Variants in SLC35E4 observed in about 807,000 individuals in gnomAD.
SLC35E4 encodes the protein solute carrier family 35, member E4.
SLC35E4 carries 15 observed loss-of-function variants against 19.3 expected under a neutral mutation model. That is an observed-to-expected ratio of 0.78 (90% confidence interval 0.52 to 1.20). SLC35E4 has a LOEUF of 1.20. SLC35E4 is among the 50% of genes most tolerant of loss of function. The pLI, the probability that SLC35E4 is intolerant of heterozygous loss-of-function variation, is 0.00. For missense variants in SLC35E4, 406 were observed against 472.3 expected (o/e 0.86, Z 1.30); for synonymous variants, 219 against 219.9 (o/e 1.00, Z 0.04).
At position 30,636,926 on chromosome 22, in the gene SLC35E4, A is replaced by C; in HGVS notation, c.476A>C (p.His159Pro). ...ALSALLLGRR[H>P]HPLQLAAMGP... ...TCGGCGCTGCTGCTGGGCCGCCGCCACCACCCACTTCAGTTGGCCGCCATG... is the reference window on the plus strand; with the variant it reads ...TCGGCGCTGCTGCTGGGCCGCCGCCCCCACCCACTTCAGTTGGCCGCCATG... The change falls in exon 1 of 2, where the codon CAC (histidine) becomes CCC (proline). Residue 159 changes from histidine to proline, a missense_variant. Coordinates refer to ENST00000343605, the MANE Select transcript of SLC35E4 (RefSeq NM_001001479.4). 6.2e-7 allele frequency: 1 copy of C among 1,611,764 alleles called. No homozygotes were observed. Among genetic ancestry groups the C allele is most frequent in the South Asian group, 1.1e-5 (1 of 90,988 alleles).
intron 2 of SLC35E4, among the ~76,000 whole-genome samples, chr22:30,655,834 G>A (rs2088328964): frequency 6.6e-6 from 1 of 152,176 alleles, no homozygotes. Flanking sequence ...AGAGGTGGAA[G>A]AGTCAGGATG....
At chr22:30,637,117 C>A in intron 1 of SLC35E4, 48 bp downstream of exon 1, 1 of 1,526,752 alleles carries the variant, frequency 6.5e-7, no homozygotes, top group Non-Finnish European at 8.8e-7. Context: ...CGGGTGGGTG[C>A]ATGGCCTGGA....
chr22:30,643,595 C>A (rs568891812), intron 1 of SLC35E4, among the ~76,000 whole-genome samples: 5 of 152,064 alleles, frequency 3.3e-5, no homozygotes, highest in Non-Finnish European at 7.4e-5. Flanking sequence ...GGGGATCATG[C>A]CAGCTGCCGG....
intron 1 of SLC35E4, among the ~76,000 whole-genome samples, chr22:30,642,595 G>A (rs1410655628): frequency 6.6e-6 from 1 of 151,758 alleles, no homozygotes; most frequent in Admixed American, 6.6e-5. Context: ...AAAAAAATTA[G>A]CTGGGCATGC....
chr22:30,657,894 A>G (rs950709807), intron 2 of SLC35E4, among the ~76,000 whole-genome samples: 3 of 144,140 alleles, frequency 2.1e-5, no homozygotes, highest in African/African-American at 7.7e-5. Flanking sequence ...ACAGTGCAAG[A>G]CTCTGTCTCA....
In SLC35E4 at chr22:30,641,379, G is replaced by A. The variant is rs2088033485; in HGVS notation, c.619+4310G>A. ...TTGAGTCCTTGCTCTGGGCTCCTGC[G>A]GTATCCTCTGCTCCCCCTATCATGG... On this transcript the variant is annotated intron_variant, in intron 1 of 1. Transcript: ENST00000343605. Among the ~76,000 whole-genome samples the A allele has an allele frequency of 2.0e-5, 3 of 152,142 alleles. No homozygotes were observed. The South Asian group carries it at 6.2e-4, about 32-fold the overall frequency.
chr22:30,657,949 AATAATG>A (rs991096260), intron 2 of SLC35E4, among the ~76,000 whole-genome samples: 3 of 136,210 alleles, frequency 2.2e-5, no homozygotes, highest in Non-Finnish European at 4.6e-5. Context: ...TAATAATAAT[AATAATG>A]ATTAGCTGGA....
chr22:30,636,870 T>C lies in SLC35E4; in HGVS notation c.420T>C (p.Thr140=). 6.2e-7 allele frequency: 1 copy of C among 1,613,012 alleles called. No individual in the cohort carries two copies. Among genetic ancestry groups the C allele is most frequent in the Non-Finnish European group, 8.5e-7 (1 of 1,179,626 alleles). Residue 140 remains threonine (T), a synonymous_variant, in exon 1 of 2, where the codon ACT becomes ACC. Coordinates refer to ENST00000343605, the MANE Select transcript of SLC35E4 (RefSeq NM_001001479.4). ...AVPLDLAQLV[T]TTTPLFTLAL... is the part of the protein sequence containing the mutation. ...CCCTGGACCTGGCACAACTGGTTACTACCACCACACCTCTGTTCACCCTGG... is the reference window on the plus strand; with the variant it reads ...CCCTGGACCTGGCACAACTGGTTACCACCACCACACCTCTGTTCACCCTGG...
At chr22:30,650,524 G>A (rs532151981), downstream of SLC35E4, among the ~76,000 whole-genome samples, 2 of 152,186 alleles carry the variant, frequency 1.3e-5, no homozygotes, top group East Asian at 3.9e-4. Flanking sequence ...AAAAAGAACA[G>A]GGGCTCTGGA....
At chr22:30,645,865 G>C (rs1479477021) in intron 1 of SLC35E4, among the ~76,000 whole-genome samples, 5 of 145,498 alleles carry the variant, frequency 3.4e-5, no homozygotes, top group African/African-American at 1.0e-4. Context: ...CTGTTGCCCA[G>C]GCTGGAGTGC....
At chr22:30,642,091 G>A (rs539385357) in intron 1 of SLC35E4, among the ~76,000 whole-genome samples, 30 of 151,978 alleles carry the variant, frequency 2.0e-4, no homozygotes, top group Middle Eastern at 3.4e-3. Context: ...GGCTCACTGC[G>A]GCCTCAATTT....
At chr22:30,651,643 T>C (rs978787320), downstream of SLC35E4, among the ~76,000 whole-genome samples, 1 of 151,436 alleles carries the variant, frequency 6.6e-6, no homozygotes, top group Non-Finnish European at 1.5e-5. Context: ...GAGAAAAAAT[T>C]GGAGGGGCTC....
At chr22:30,666,935 G>A (rs2088693537), downstream of SLC35E4, 2 of 152,142 alleles carry the variant, frequency 1.3e-5, no homozygotes, top group African/African-American at 4.8e-5. Flanking sequence ...TAAAATGCAG[G>A]GCTCTGTGAA....
intron 1 of SLC35E4, among the ~76,000 whole-genome samples, chr22:30,641,588 C>T (rs1274485882): frequency 1.3e-5 from 2 of 151,718 alleles, no homozygotes; most frequent in African/African-American, 4.8e-5. Flanking sequence ...CTCTGTCGCC[C>T]AGGCTGGAAT....
In SLC35E4 at chr22:30,639,488, C is replaced by T. The variant is rs550823307; in HGVS notation, c.619+2419C>T. Among the ~76,000 whole-genome samples the T allele has an allele frequency of 1.2e-3, 190 of 152,130 alleles. 1 individual carries two copies. The highest frequency in any genetic ancestry group is 4.0e-3 in the African/African-American group (168 of 41,502). On this transcript the variant is annotated intron_variant, in intron 1 of 1. Transcript: ENST00000343605. ...ACCAGTCTGACCAAAATTTATTAGG[C>T]GGGAATTTCCTCGTCCTAATAAGCC...
chr22:30,653,428 G>A (rs1400165325), intron 2 of SLC35E4, among the ~76,000 whole-genome samples: 3 of 150,852 alleles, frequency 2.0e-5, no homozygotes, highest in African/African-American at 7.3e-5. Context: ...CTGGAGTGCA[G>A]TGGTGCGATC....
intron 1 of SLC35E4, among the ~76,000 whole-genome samples, chr22:30,641,584 C>T (rs1004615747): frequency 7.3e-5 from 11 of 151,336 alleles, no homozygotes; most frequent in African/African-American, 1.2e-4. Context: ...CTCTCTCTGT[C>T]GCCCAGGCTG....
intron 1 of SLC35E4, among the ~76,000 whole-genome samples, chr22:30,643,426 TGAC>T (rs1482222216): frequency 5.3e-5 from 8 of 152,190 alleles, no homozygotes; most frequent in Non-Finnish European, 1.2e-4. Flanking sequence ...GCAATGATGA[TGAC>T]AATAATGTAA....
At chr22:30,644,283 A>G (rs2088092678) in intron 1 of SLC35E4, among the ~76,000 whole-genome samples, 1 of 152,208 alleles carries the variant, frequency 6.6e-6, no homozygotes, top group Non-Finnish European at 1.5e-5. Flanking sequence ...AAAATTTCCT[A>G]TTCTAAGCAT....
Sources: gnomAD v4.1 joint callset for allele counts (sites outside exome capture counted in the v4.1 genomes callset) on GRCh38, gnomAD v4.1.1 for gene constraint, MANE v1.5 for transcripts, NCBI Gene and HGNC (gene_info 2026-07-23, HGNC 2026-07-21) for gene names.